The following CACNG3 variants were observed in gnomAD, a reference collection of about 807,000 sequenced individuals.
CACNG3 encodes calcium voltage-gated channel auxiliary subunit gamma 3.
In CACNG3, 3 loss-of-function variants were observed where a neutral mutation model predicts 28.5. The observed-to-expected ratio is 0.11, with a 90% CI of 0.05 to 0.27. The LOEUF is 0.27. Ranked by LOEUF, CACNG3 falls within the 10% of genes least tolerant of loss-of-function variation. CACNG3 has a pLI of 1.00. For synonymous variants in CACNG3, 174 were observed against 162.2 expected (o/e 1.07, Z -0.55); for missense variants, 236 against 414.4 (o/e 0.57, Z 3.74).
chr16:24,308,998 C>A (rs567710206), intron 1 of CACNG3, among the ~76,000 whole-genome samples: 2 of 152,140 alleles, frequency 1.3e-5, no homozygotes, highest in African/African-American at 2.4e-5. Flanking sequence ...TCACAGCAGC[C>A]CTTTAGATAG....
intron 1 of CACNG3, among the ~76,000 whole-genome samples, chr16:24,317,264 G>A (rs996594050): frequency 3.9e-5 from 6 of 152,072 alleles, no homozygotes; most frequent in Non-Finnish European, 8.8e-5. Context: ...GAAGCAAGCC[G>A]GACTTGGTGG....
chr16:24,285,013 CAAAAAAA>C (rs370618917), intron 1 of CACNG3, among the ~76,000 whole-genome samples: 2 of 94,780 alleles, frequency 2.1e-5, no homozygotes, highest in South Asian at 3.3e-4. Context: ...GGATTCCCAT[CAAAAAAA>C]AAAAAAAAAG....
intron 1 of CACNG3, among the ~76,000 whole-genome samples, chr16:24,288,638 A>C (rs548684825): frequency 6.6e-6 from 1 of 152,240 alleles, no homozygotes; most frequent in East Asian, 1.9e-4. Context: ...GTTTCATGGC[A>C]AGATTCTGCA....
At chr16:24,341,138 C>T (rs1340214149) in intron 1 of CACNG3, among the ~76,000 whole-genome samples, 1 of 152,218 alleles carries the variant, frequency 6.6e-6, no homozygotes, top group African/African-American at 2.4e-5. Flanking sequence ...ACAGCACGAT[C>T]CCAGTTTTGT....
At chr16:24,328,700 G>A (rs1450176704) in intron 1 of CACNG3, among the ~76,000 whole-genome samples, 3 of 152,184 alleles carry the variant, frequency 2.0e-5, no homozygotes. Context: ...TGACGGCCCC[G>A]TGAAGGGCTG....
chr16:24,264,138 C>T (rs772471936), intron 1 of CACNG3, among the ~76,000 whole-genome samples: 51 of 152,332 alleles, frequency 3.3e-4, no homozygotes, highest in Middle Eastern at 6.8e-3. Context: ...TCATATCTCA[C>T]CTGGGAGAGC....
intron 1 of CACNG3, among the ~76,000 whole-genome samples, chr16:24,288,239 T>C (rs1898919542): frequency 6.6e-6 from 1 of 152,132 alleles, no homozygotes; most frequent in Admixed American, 6.6e-5. Context: ...ATGATGATAA[T>C]AGCTTTCTGT....
intron 1 of CACNG3, among the ~76,000 whole-genome samples, chr16:24,257,523 T>C (rs1235546444): frequency 6.6e-6 from 1 of 152,048 alleles, no homozygotes; most frequent in Admixed American, 6.5e-5. Flanking sequence ...GATATTGTCA[T>C]GAACTTCCAC....
rs552416461 is a variant in CACNG3 at position 24,263,736 on chromosome 16, T to A, written c.211+6771T>A. Among the ~76,000 whole-genome samples, 3 of 152,354 alleles carry A rather than the reference T, an allele frequency of 2.0e-5. No individual in the cohort carries two copies. The East Asian group carries it at 5.8e-4, about 29-fold the overall frequency. On this transcript the variant is annotated intron_variant, in intron 1 of 3. Transcript: ENST00000005284. Reference sequence around the variant, plus strand: ...AAACATAGCAAGTGCCATCAACTGTTTCTGTTTTAATTCTTGTGTTTCCTT... The same window carrying A: ...AAACATAGCAAGTGCCATCAACTGTATCTGTTTTAATTCTTGTGTTTCCTT...
intron 1 of CACNG3, among the ~76,000 whole-genome samples, chr16:24,295,659 C>A (rs1290119799): frequency 1.3e-5 from 2 of 151,902 alleles, no homozygotes; most frequent in African/African-American, 4.8e-5. Flanking sequence ...CCAGCCTGGG[C>A]AACATAGTGA....
intron 1 of CACNG3, among the ~76,000 whole-genome samples, chr16:24,301,525 G>T (rs532976100): frequency 6.6e-6 from 1 of 152,316 alleles, no homozygotes; most frequent in Admixed American, 6.5e-5. Flanking sequence ...GACGGTCACA[G>T]AGAGGGTGCA....
intron 1 of CACNG3, among the ~76,000 whole-genome samples, chr16:24,299,699 A>G (rs1899080598): frequency 6.6e-6 from 1 of 152,182 alleles, no homozygotes; most frequent in Non-Finnish European, 1.5e-5. Context: ...TGATGTATCC[A>G]GTGTAAAGAC....
intron 2 of CACNG3, among the ~76,000 whole-genome samples, chr16:24,350,170 T>C (rs550153945): frequency 1.6e-4 from 24 of 152,296 alleles, no homozygotes; most frequent in African/African-American, 4.6e-4. Context: ...GGCAGACACT[T>C]ATAGCCAGAG....
At chr16:24,268,607 G>A (rs755243428) in intron 1 of CACNG3, among the ~76,000 whole-genome samples, 10 of 152,204 alleles carry the variant, frequency 6.6e-5, no homozygotes, top group African/African-American at 1.7e-4. Context: ...TTGAGACATC[G>A]TAGCACTAGG....
At chr16:24,265,608 CA>C (rs1898600543) in intron 1 of CACNG3, among the ~76,000 whole-genome samples, 1 of 152,026 alleles carries the variant, frequency 6.6e-6, no homozygotes, top group Admixed American at 6.5e-5. Context: ...ACAACTAGGC[CA>C]AATTCAGCCC....
chr16:24,259,884 T>C (rs963434202), intron 1 of CACNG3, among the ~76,000 whole-genome samples: 7 of 152,190 alleles, frequency 4.6e-5, no homozygotes, highest in African/African-American at 1.7e-4. Flanking sequence ...CATGAGGAAC[T>C]TTTAAAAAAT....
chr16:24,319,235 T>C (rs1899425118), intron 1 of CACNG3, among the ~76,000 whole-genome samples: 1 of 152,144 alleles, frequency 6.6e-6, no homozygotes, highest in Admixed American at 6.5e-5. Flanking sequence ...ACAGGTGCCA[T>C]AGTGAACTAT....
At chr16:24,317,835 G>A (rs1158923294) in intron 1 of CACNG3, among the ~76,000 whole-genome samples, 1 of 152,136 alleles carries the variant, frequency 6.6e-6, no homozygotes, top group Non-Finnish European at 1.5e-5. Context: ...CCCACTCCTA[G>A]GGATTCTGCA....
intron 2 of CACNG3, among the ~76,000 whole-genome samples, chr16:24,349,781 CT>C (rs2141381325): frequency 6.6e-6 from 1 of 152,280 alleles, no homozygotes; most frequent in African/African-American, 2.4e-5. Context: ...TGTTGACCCC[CT>C]ATCTCATCCT....
Sources: allele counts gnomAD v4.1 joint callset (sites outside exome capture counted in the v4.1 genomes callset), GRCh38; gene constraint gnomAD v4.1.1; transcripts MANE v1.5; gene names NCBI Gene and HGNC (gene_info 2026-07-23, HGNC 2026-07-21).